C1QTNF3: variants seen among roughly 807,000 people sequenced by gnomAD.
C1QTNF3 encodes the protein C1q and TNF related 3.
Under a neutral mutation model 32.6 loss-of-function variants are expected in C1QTNF3, and 26 were observed. The ratio of observed to expected loss-of-function variants is 0.80; its 90% CI spans 0.58 to 1.11. The LOEUF (loss-of-function observed/expected upper bound fraction) is 1.11. Ranked by LOEUF, C1QTNF3 falls within the 50% of genes least tolerant of loss-of-function variation. C1QTNF3 has a pLI of 0.00. For missense variants in C1QTNF3, 362 were observed against 398.2 expected (o/e 0.91, Z 0.77); for synonymous variants, 155 against 146.0 (o/e 1.06, Z -0.44).
At chr5:34,119,834 T>C in the C1QTNF3 span, among the ~76,000 whole-genome samples, 1 of 152,200 alleles carries the variant, frequency 6.6e-6, no homozygotes, top group Non-Finnish European at 1.5e-5. Flanking sequence ...TGATACATTA[T>C]GCCTACCCAG....
chr5:34,117,605 G>C, the C1QTNF3 span, among the ~76,000 whole-genome samples: 5 of 151,882 alleles, frequency 3.3e-5, no homozygotes, highest in Non-Finnish European at 1.5e-5. Flanking sequence ...AGACCAGCCT[G>C]ACCATCATGT....
the C1QTNF3 span, among the ~76,000 whole-genome samples, chr5:34,069,988 A>G: frequency 1.8e-4 from 27 of 152,348 alleles, no homozygotes; most frequent in African/African-American, 5.8e-4. Context: ...TTCTTAATAT[A>G]TCAGAAATAT....
the C1QTNF3 span, among the ~76,000 whole-genome samples, chr5:34,202,571 T>G: frequency 6.6e-6 from 1 of 151,542 alleles, no homozygotes; most frequent in Non-Finnish European, 1.5e-5. Flanking sequence ...CTGTAATACA[T>G]GAAACTTAGG....
the C1QTNF3 span, among the ~76,000 whole-genome samples, chr5:34,114,641 G>C: frequency 2.2e-3 from 336 of 151,050 alleles, 2 homozygotes; most frequent in African/African-American, 7.8e-3. Context: ...TTACCATTTT[G>C]CTTTTCCTTT....
chr5:34,056,003 T>C, the C1QTNF3 span, among the ~76,000 whole-genome samples: 1 of 152,278 alleles, frequency 6.6e-6, no homozygotes, highest in South Asian at 2.1e-4. Flanking sequence ...TTAAGATGCA[T>C]CACCTACCCT....
At chr5:34,125,331 T>A in the C1QTNF3 span, among the ~76,000 whole-genome samples, 3 of 151,882 alleles carry the variant, frequency 2.0e-5, no homozygotes, top group Admixed American at 6.6e-5. Context: ...TTATATGAGG[T>A]ACCTGCCAAA....
In C1QTNF3 at chr5:34,020,420, G is replaced by C; in HGVS notation, c.*163C>G. The stretch of plus-strand genomic sequence containing the variant: ...TTGTGGTTGATTCTTCTGAGCCCCT[G>C]AATTGTCCAACATTATTGGTGTACC... On this transcript the variant is annotated 3_prime_UTR_variant, in exon 6 of 6. Coordinates refer to ENST00000382065, the MANE Select transcript of C1QTNF3 (RefSeq NM_181435.6). 2 of 809,450 alleles carry C rather than the reference G, an allele frequency of 2.5e-6. No individual in the cohort carries two copies. The highest frequency in any genetic ancestry group is 3.9e-6 in the Non-Finnish European group (2 of 508,616). The allele number at this position is 809,450 out of a possible 1,614,324, so 50.1% of individuals were successfully genotyped here.
At chr5:34,208,799 A>G in the C1QTNF3 span, among the ~76,000 whole-genome samples, 303 of 152,270 alleles carry the variant, frequency 2.0e-3, 2 homozygotes, top group Admixed American at 0.013. Context: ...CTAATTCCCA[A>G]TCGTCACTGC....
At chr5:34,117,345 T>G in the C1QTNF3 span, among the ~76,000 whole-genome samples, 4 of 152,326 alleles carry the variant, frequency 2.6e-5, no homozygotes, top group South Asian at 4.1e-4. Context: ...TATACTGACT[T>G]AGGTCCAGTG....
chr5:34,170,954 T>C, the C1QTNF3 span, among the ~76,000 whole-genome samples: 21 of 152,140 alleles, frequency 1.4e-4, no homozygotes, highest in Middle Eastern at 6.8e-3. Context: ...TTGAGGGAGG[T>C]CTCAATAACT....
At chr5:34,112,403 T>C in the C1QTNF3 span, among the ~76,000 whole-genome samples, 1 of 151,386 alleles carries the variant, frequency 6.6e-6, no homozygotes, top group Admixed American at 6.6e-5. Context: ...CTCATACCTA[T>C]AATCCCATCA....
chr5:34,124,358 T>C, the C1QTNF3 span: 1 of 699,986 alleles, frequency 1.4e-6, no homozygotes, highest in African/African-American at 1.8e-5. Context: ...AGGTAACTTA[T>C]AAGAAGAGAT....
At position 34,033,303 on chromosome 5, in the gene C1QTNF3, C is replaced by T; in HGVS notation, c.570+1G>A. The stretch of plus-strand genomic sequence containing the variant: ...CAGGAGATGTACCGAGGATGGTTTA[C>T]CTGAAGTTCTGGTGGAATCCCCGGG... On this transcript the variant is annotated splice_donor_variant, in intron 3 of 5. Transcript: ENST00000382065. LOFTEE classifies it high-confidence loss of function. 1 of 1,613,576 alleles carries T rather than the reference C, an allele frequency of 6.2e-7. No individual in the cohort carries two copies. The highest frequency in any genetic ancestry group is 1.1e-5 in the South Asian group (1 of 91,006).
chr5:34,138,552 T>C, the C1QTNF3 span, among the ~76,000 whole-genome samples: 1 of 152,150 alleles, frequency 6.6e-6, no homozygotes, highest in Non-Finnish European at 1.5e-5. Context: ...AGTGATGCTT[T>C]ATATATGACA....
chr5:34,172,077 T>C, the C1QTNF3 span, among the ~76,000 whole-genome samples: 5 of 152,176 alleles, frequency 3.3e-5, no homozygotes, highest in African/African-American at 1.2e-4. Flanking sequence ...TCCAAAAGAA[T>C]GCCATTATGA....
chr5:34,053,030 C>G, the C1QTNF3 span, among the ~76,000 whole-genome samples: 5 of 152,100 alleles, frequency 3.3e-5, no homozygotes, highest in African/African-American at 1.2e-4. Flanking sequence ...TTCGATTTTT[C>G]CAAAGGTGAA....
the C1QTNF3 span, among the ~76,000 whole-genome samples, chr5:34,201,389 T>TA: frequency 2.6e-5 from 4 of 152,322 alleles, no homozygotes; most frequent in East Asian, 7.7e-4. Context: ...AACATGTTTT[T>TA]ATCTATTAAT....
chr5:34,197,721 A>G, the C1QTNF3 span, among the ~76,000 whole-genome samples: 2 of 152,068 alleles, frequency 1.3e-5, no homozygotes, highest in African/African-American at 4.8e-5. Context: ...TGGAAGGTCC[A>G]TGTCTTAGTT....
At chr5:34,203,101 G>A in the C1QTNF3 span, among the ~76,000 whole-genome samples, 2 of 152,128 alleles carry the variant, frequency 1.3e-5, no homozygotes, top group Admixed American at 1.3e-4. Flanking sequence ...ACACAAAAAT[G>A]AAAGGTCAAC....
Sources: allele counts gnomAD v4.1 joint callset (sites outside exome capture counted in the v4.1 genomes callset), GRCh38; gene constraint gnomAD v4.1.1; transcripts MANE v1.5; gene names NCBI Gene and HGNC (gene_info 2026-07-23, HGNC 2026-07-21).